Variants in ARHGAP15 observed in about 807,000 individuals in gnomAD.
ARHGAP15 encodes the protein Rho GTPase activating protein 15, also known as rho GTPase-activating protein 15.
In ARHGAP15, 51 loss-of-function variants were observed where a neutral mutation model predicts 63.7. The ratio of observed to expected loss-of-function variants is 0.80; its 90% CI spans 0.64 to 1.01. The LOEUF is 1.01. Among genes scored for constraint, ARHGAP15 ranks in the 50% least tolerant of loss-of-function variants. The pLI is 0.00. For missense variants in ARHGAP15, 560 were observed against 564.6 expected (o/e 0.99, Z 0.08); for synonymous variants, 191 against 193.8 (o/e 0.99, Z 0.12).
intron 8 of ARHGAP15, among the ~76,000 whole-genome samples, chr2:143,478,370 A>T (rs117311086): frequency 5.3e-5 from 8 of 152,312 alleles, no homozygotes; most frequent in African/African-American, 1.9e-4. Context: ...TAATCAGTTC[A>T]TGGTAAAGCA....
At position 143,588,866 on chromosome 2, in the gene ARHGAP15, T is replaced by C. The variant is rs139381018; in HGVS notation, c.1003+32381T>C. ...TTTGGATTGGGCAAGTTTTCTATAC[T>C]CTTTAATAAATTTGTTTTCATATTT... On this transcript the variant is annotated intron_variant, in intron 11 of 13. Coordinates refer to ENST00000295095, the MANE Select transcript of ARHGAP15 (RefSeq NM_018460.4). 1.4e-3 allele frequency among the ~76,000 whole-genome samples: 210 copies of C among 152,306 alleles called. 1 individual carries two copies. Among genetic ancestry groups the C allele is most frequent in the Middle Eastern group, 3.4e-3 (1 of 294 alleles).
intron 8 of ARHGAP15, among the ~76,000 whole-genome samples, chr2:143,477,178 A>T (rs927174696): frequency 1.3e-5 from 2 of 150,036 alleles, no homozygotes; most frequent in Non-Finnish European, 2.9e-5. Flanking sequence ...TTACACACAC[A>T]CACACATGCT....
chr2:143,303,704 T>G (rs1683027250), intron 6 of ARHGAP15, among the ~76,000 whole-genome samples: 1 of 151,998 alleles, frequency 6.6e-6, no homozygotes, highest in African/African-American at 2.4e-5. Context: ...ATGTTTGCAA[T>G]CTACTCATCT....
At chr2:143,716,261 G>T (rs1389672871) in intron 13 of ARHGAP15, among the ~76,000 whole-genome samples, 5 of 152,160 alleles carry the variant, frequency 3.3e-5, no homozygotes, top group African/African-American at 1.2e-4. Context: ...AAAAGAGGCT[G>T]GCCACACCAA....
At chr2:143,589,186 G>T (rs1238284329) in intron 11 of ARHGAP15, among the ~76,000 whole-genome samples, 1 of 152,090 alleles carries the variant, frequency 6.6e-6, no homozygotes, top group African/African-American at 2.4e-5. Flanking sequence ...GATTTTCATT[G>T]CCTAAATATA....
intron 6 of ARHGAP15, among the ~76,000 whole-genome samples, chr2:143,387,483 A>T (rs1687335298): frequency 6.6e-6 from 1 of 152,210 alleles, no homozygotes; most frequent in African/African-American, 2.4e-5. Context: ...TTGAGCACCC[A>T]TTGTGAGCCA....
At chr2:143,255,886 G>A (rs779777322) in intron 6 of ARHGAP15, among the ~76,000 whole-genome samples, 15 of 152,080 alleles carry the variant, frequency 9.9e-5, no homozygotes, top group Admixed American at 2.6e-4. Flanking sequence ...AAACATTCAC[G>A]TCTAACACAG....
At chr2:143,325,507 A>C (rs1684209673) in intron 6 of ARHGAP15, among the ~76,000 whole-genome samples, 1 of 152,140 alleles carries the variant, frequency 6.6e-6, no homozygotes, top group Admixed American at 6.5e-5. Context: ...ATATTCCCAG[A>C]GTCCTCCCTA....
chr2:143,693,759 A>T lies in ARHGAP15; in HGVS notation c.1139-9660A>T, dbSNP rs569191816. The stretch of plus-strand genomic sequence containing the variant: ...TAGAATCCAAGCATCTTATAAAAGA[A>T]ATTTGTTGGAGGAATCTTCTACTCC... On this transcript the variant is annotated intron_variant, in intron 12 of 13. Coordinates refer to ENST00000295095, the MANE Select transcript of ARHGAP15 (RefSeq NM_018460.4). 2.0e-5 allele frequency among the ~76,000 whole-genome samples: 3 copies of T among 152,328 alleles called. No individual in the cohort carries two copies. The East Asian group carries it at 5.8e-4, about 29-fold the overall frequency.
intron 10 of ARHGAP15, among the ~76,000 whole-genome samples, chr2:143,520,077 TG>T (rs1693996981): frequency 6.6e-6 from 1 of 152,128 alleles, no homozygotes; most frequent in African/African-American, 2.4e-5. Context: ...AAAAATGTAT[TG>T]TATAAAAATG....
intron 9 of ARHGAP15, among the ~76,000 whole-genome samples, chr2:143,490,294 C>T (rs1426664624): frequency 1.3e-5 from 2 of 152,134 alleles, no homozygotes; most frequent in African/African-American, 4.8e-5. Context: ...CCACCACGCC[C>T]GGCCGGCCAT....
chr2:143,210,458 G>C (rs1016708279), intron 3 of ARHGAP15, among the ~76,000 whole-genome samples: 3 of 152,032 alleles, frequency 2.0e-5, no homozygotes, highest in African/African-American at 4.8e-5. Context: ...GAATAAATCA[G>C]AGACATACAG....
At chr2:143,366,025 TGAAAA>T (rs1453858724) in intron 6 of ARHGAP15, among the ~76,000 whole-genome samples, 1 of 152,194 alleles carries the variant, frequency 6.6e-6, no homozygotes, top group Admixed American at 6.5e-5. Flanking sequence ...AATGACCAAT[TGAAAA>T]GAAGTTTTAT....
chr2:143,231,069 C>CTTTT (rs914904536), intron 5 of ARHGAP15, among the ~76,000 whole-genome samples: 1 of 125,456 alleles, frequency 8.0e-6, no homozygotes, highest in African/African-American at 3.0e-5. Context: ...GATGTAATTC[C>CTTTT]TTTTTTTTTT....
At chr2:143,239,193 GA>G (rs35594569) in intron 5 of ARHGAP15, among the ~76,000 whole-genome samples, 43,325 of 151,584 alleles carry the variant, frequency 0.29, 7,111 homozygotes, top group East Asian at 0.46. Flanking sequence ...AAAAATGGAA[GA>G]AAAAAAATGT....
intron 9 of ARHGAP15, among the ~76,000 whole-genome samples, chr2:143,492,885 T>A (rs1208743690): frequency 6.8e-6 from 1 of 147,800 alleles, no homozygotes; most frequent in African/African-American, 2.5e-5. Context: ...TGGAACCCCG[T>A]CTCTTCTAAA....
chr2:143,503,217 A>C (rs1049338213), intron 9 of ARHGAP15, among the ~76,000 whole-genome samples: 1 of 152,214 alleles, frequency 6.6e-6, no homozygotes, highest in Admixed American at 6.5e-5. Context: ...GTTTTATATA[A>C]TGTTTGAGTA....
chr2:143,759,499 C>T lies in ARHGAP15; in HGVS notation c.1245-8490C>T, dbSNP rs190061440. Among the ~76,000 whole-genome samples the T allele has an allele frequency of 3.9e-5, 6 of 152,172 alleles. No homozygotes were observed. The East Asian group carries it at 1.2e-3, about 29-fold the overall frequency. ...CAAACATTTCTATCATCTCTAAATG[C>T]CAACAGTGTCATTCTCCTGCTCGAA... On this transcript the variant is annotated intron_variant, in intron 13 of 13. Coordinates refer to ENST00000295095, the MANE Select transcript of ARHGAP15 (RefSeq NM_018460.4).
intron 12 of ARHGAP15, among the ~76,000 whole-genome samples, chr2:143,649,057 A>G (rs1412087914): frequency 2.0e-5 from 3 of 152,014 alleles, no homozygotes; most frequent in Non-Finnish European, 2.9e-5. Flanking sequence ...CGTGAGTCTT[A>G]GCATAGTCAG....
Sources: gnomAD v4.1 joint callset for allele counts (sites outside exome capture counted in the v4.1 genomes callset) on GRCh38, gnomAD v4.1.1 for gene constraint, MANE v1.5 for transcripts, NCBI Gene and HGNC (gene_info 2026-07-23, HGNC 2026-07-21) for gene names.